PDE1C: variants seen among roughly 807,000 people sequenced by gnomAD.
The protein encoded by PDE1C is dual specificity calcium/calmodulin-dependent 3',5'-cyclic nucleotide phosphodiesterase 1C.
PDE1C carries 62 observed loss-of-function variants against 93.1 expected under a neutral mutation model. That is an observed-to-expected ratio of 0.67 (90% CI 0.54 to 0.82). The LOEUF (loss-of-function observed/expected upper bound fraction) is 0.82, where lower values mean the gene tolerates loss of function less well. Ranked by LOEUF, PDE1C falls within the 40% of genes least tolerant of loss-of-function variation. PDE1C has a pLI of 0.00. For synonymous variants in PDE1C, 325 were observed against 310.1 expected (o/e 1.05, Z -0.50); for missense variants, 742 against 884.6 (o/e 0.84, Z 2.04).
intron 3 of PDE1C, among the ~76,000 whole-genome samples, chr7:32,150,020 TG>T (rs1801143178): frequency 6.6e-6 from 1 of 152,090 alleles, no homozygotes; most frequent in African/African-American, 2.4e-5. Flanking sequence ...AGTTCCTGGG[TG>T]GGTCAAGAAA....
At position 32,320,425 on chromosome 7, in the gene PDE1C, G is replaced by A. The variant is rs188694011; in HGVS notation, c.310+107397C>T. Among the ~76,000 whole-genome samples, 288 of 152,260 alleles carry A rather than the reference G, an allele frequency of 1.9e-3. 1 individual carries two copies. Among genetic ancestry groups the A allele is most frequent in the Non-Finnish European group, 3.5e-3 (240 of 68,018 alleles). ...TAGATGCTGGGCTTCATACCTGAAT[G>A]ATGGGGTGATCTGTGCGGCAAACCA... On this transcript the variant is annotated intron_variant, in intron 1 of 1. Coordinates refer to the PDE1C transcript ENST00000672256.
intron 2 of PDE1C, among the ~76,000 whole-genome samples, chr7:31,983,812 C>G (rs537711284): frequency 1.1e-4 from 17 of 152,096 alleles, no homozygotes; most frequent in African/African-American, 4.1e-4. Context: ...GTAAAACCAA[C>G]TAAAAAAGTA....
At chr7:32,407,329 C>A (rs1177318396) in intron 1 of PDE1C, among the ~76,000 whole-genome samples, 1 of 152,086 alleles carries the variant, frequency 6.6e-6, no homozygotes, top group Admixed American at 6.5e-5. Context: ...TGTGTTATAT[C>A]CAAATTTTAT....
intron 2 of PDE1C, among the ~76,000 whole-genome samples, chr7:32,045,233 G>A (rs1216379968): frequency 6.6e-6 from 1 of 151,754 alleles, no homozygotes; most frequent in African/African-American, 2.4e-5. Context: ...ACCTGAAATT[G>A]TAGTGCTTTT....
intron 2 of PDE1C, among the ~76,000 whole-genome samples, chr7:32,018,324 G>C (rs1351033944): frequency 2.0e-5 from 3 of 151,956 alleles, no homozygotes; most frequent in African/African-American, 7.3e-5. Context: ...ATATACTCAA[G>C]AGAAATGAAA....
At chr7:31,756,034 T>C (rs1794443718) in intron 17 of PDE1C, among the ~76,000 whole-genome samples, 1 of 152,062 alleles carries the variant, frequency 6.6e-6, no homozygotes, top group South Asian at 2.1e-4. Flanking sequence ...GGTGTGGTGG[T>C]TGGTGCAAAC....
chr7:32,409,956 C>T (rs7792020), intron 1 of PDE1C, among the ~76,000 whole-genome samples: 35,992 of 151,910 alleles, frequency 0.24, 8,734 homozygotes, highest in African/African-American at 0.62. Flanking sequence ...ACTCTCACCA[C>T]TACCAGTTAA....
chr7:32,032,525 A>G lies in PDE1C; in HGVS notation c.128+19029T>C, dbSNP rs1490571308. On this transcript the variant is annotated intron_variant, in intron 2 of 17. Transcript: ENST00000396191. ...CCACTGACAGGAACACTGATTCCCA[A>G]AAGGCACATGTAAATACAAGATGAA... 4.6e-5 allele frequency among the ~76,000 whole-genome samples: 7 copies of G among 152,316 alleles called. No homozygotes were observed. In the East Asian group the frequency reaches 1.4e-3, roughly 29 times the overall value.
At chr7:32,132,712 T>A (rs1415996979) in intron 3 of PDE1C, among the ~76,000 whole-genome samples, 1 of 152,088 alleles carries the variant, frequency 6.6e-6, no homozygotes, top group Non-Finnish European at 1.5e-5. Flanking sequence ...GTTAAGTTGC[T>A]ACCCAGAAAA....
chr7:31,840,731 G>C (rs1791753025), intron 9 of PDE1C, among the ~76,000 whole-genome samples: 1 of 152,078 alleles, frequency 6.6e-6, no homozygotes, highest in South Asian at 2.1e-4. Context: ...TAAATCAATT[G>C]ATGAGTCAAT....
At chr7:32,255,203 C>T (rs571485054) in intron 1 of PDE1C, among the ~76,000 whole-genome samples, 25 of 152,246 alleles carry the variant, frequency 1.6e-4, no homozygotes, top group African/African-American at 5.8e-4. Flanking sequence ...TTAATGAGTT[C>T]ATGGGAGTCA....
At chr7:31,875,831 A>ATATATATATATATATATATATATATG (rs761399274) in intron 5 of PDE1C, among the ~76,000 whole-genome samples, 2 of 90,120 alleles carry the variant, frequency 2.2e-5, no homozygotes, top group Non-Finnish European at 2.2e-5. Context: ...ATATATATAT[A>ATATATATATATATATATATATATATG]TATAATGGAA....
intron 9 of PDE1C, among the ~76,000 whole-genome samples, chr7:31,844,533 T>C (rs1252908934): frequency 1.3e-5 from 2 of 151,946 alleles, no homozygotes. Context: ...TGATTCAACT[T>C]GTTCTCCTAA....
chr7:31,778,217 G>A (rs1165182820), intron 16 of PDE1C, among the ~76,000 whole-genome samples: 5 of 152,116 alleles, frequency 3.3e-5, no homozygotes, highest in Admixed American at 6.5e-5. Context: ...GTGGATGCCC[G>A]TCGCATTGTA....
chr7:31,654,106 C>T, the PDE1C span, among the ~76,000 whole-genome samples: 1 of 150,658 alleles, frequency 6.6e-6, no homozygotes, highest in East Asian at 1.9e-4. Flanking sequence ...CTGAAAAGAG[C>T]CTCAGAAGAC....
chr7:32,388,188 G>C (rs1784677874), intron 1 of PDE1C, among the ~76,000 whole-genome samples: 1 of 152,090 alleles, frequency 6.6e-6, no homozygotes, highest in Non-Finnish European at 1.5e-5. Flanking sequence ...AAAAAGATTG[G>C]TACAGAACAC....
chr7:31,662,890 A>G, the PDE1C span, among the ~76,000 whole-genome samples: 1 of 152,112 alleles, frequency 6.6e-6, no homozygotes, highest in Non-Finnish European at 1.5e-5. Flanking sequence ...TTTATACCAA[A>G]ACAACCAAAA....
chr7:32,208,700 T>C (rs1467940776), intron 2 of PDE1C, among the ~76,000 whole-genome samples: 4 of 151,934 alleles, frequency 2.6e-5, no homozygotes, highest in Non-Finnish European at 4.4e-5. Context: ...CCCTCATCCG[T>C]CTCTAGTATT....
rs142729683 is a variant in PDE1C at position 32,416,559 on chromosome 7, A to G, written c.310+11263T>C. Among the ~76,000 whole-genome samples, 934 of 152,224 alleles carry G rather than the reference A, an allele frequency of 6.1e-3. 7 individuals carry two copies. The highest frequency in any genetic ancestry group is 0.017 in the Middle Eastern group (5 of 294). ...TTTTTTTTAAACTTGTGATTAAACT[A>G]TACATACAATTTCATCAGCTAGCCT... On this transcript the variant is annotated intron_variant, in intron 1 of 1. Coordinates refer to the PDE1C transcript ENST00000672256.
Sources: allele counts gnomAD v4.1 joint callset (sites outside exome capture counted in the v4.1 genomes callset), GRCh38; gene constraint gnomAD v4.1.1; transcripts MANE v1.5; gene names NCBI Gene and HGNC (gene_info 2026-07-23, HGNC 2026-07-21).